Variants in TENM2 observed in about 807,000 individuals in gnomAD.
TENM2 encodes the protein teneurin-2.
TENM2 carries 52 observed loss-of-function variants against 245.2 expected under a neutral mutation model. That is an observed-to-expected ratio of 0.21 (90% CI 0.17 to 0.27). The LOEUF is 0.27. Among genes scored for constraint, TENM2 ranks in the 10% least tolerant of loss-of-function variants. TENM2 has a pLI of 1.00. For missense variants in TENM2, 3,046 were observed against 3,666.8 expected (o/e 0.83, Z 4.37); for synonymous variants, 1,363 against 1,438.9 (o/e 0.95, Z 1.19).
intron 3 of TENM2, among the ~76,000 whole-genome samples, chr5:167,881,413 C>G (rs1331322211): frequency 6.6e-6 from 1 of 152,206 alleles, no homozygotes; most frequent in East Asian, 1.9e-4. Flanking sequence ...TCACTCCGTT[C>G]TTCAGGGACC....
chr5:168,066,499 G>A (rs1790518475), intron 7 of TENM2, among the ~76,000 whole-genome samples: 1 of 152,000 alleles, frequency 6.6e-6, no homozygotes, highest in Non-Finnish European at 1.5e-5. Flanking sequence ...TTCCCAAATT[G>A]TCCTGAAAAT....
chr5:168,072,540 C>A (rs1022069778), intron 7 of TENM2, among the ~76,000 whole-genome samples: 1 of 152,042 alleles, frequency 6.6e-6, no homozygotes, highest in Non-Finnish European at 1.5e-5. Flanking sequence ...GAGATGGAGA[C>A]CTGACAAGTT....
chr5:167,372,623 T>C (rs1760504814), intron 1 of TENM2, among the ~76,000 whole-genome samples: 1 of 152,242 alleles, frequency 6.6e-6, no homozygotes, highest in Non-Finnish European at 1.5e-5. Context: ...TGGGATTACA[T>C]AGCTACAAAT....
chr5:167,365,601 C>A (rs1228932212), intron 1 of TENM2, among the ~76,000 whole-genome samples: 2 of 151,772 alleles, frequency 1.3e-5, no homozygotes, highest in Non-Finnish European at 2.9e-5. Flanking sequence ...TAAAAAAAGT[C>A]ATAAATGTTT....
intron 2 of TENM2, among the ~76,000 whole-genome samples, chr5:167,439,158 T>C (rs1360351847): frequency 6.6e-6 from 1 of 152,022 alleles, no homozygotes; most frequent in East Asian, 1.9e-4. Context: ...GAGGCAGAGG[T>C]GATCAGGTTA....
the TENM2 span, among the ~76,000 whole-genome samples, chr5:167,083,498 C>A: frequency 1.3e-5 from 2 of 152,102 alleles, no homozygotes; most frequent in African/African-American, 4.8e-5. Flanking sequence ...CATCTAAGAA[C>A]TTGGATGGGG....
At chr5:167,043,207 G>A in the TENM2 span, among the ~76,000 whole-genome samples, 3 of 152,312 alleles carry the variant, frequency 2.0e-5, no homozygotes, top group East Asian at 1.9e-4. Context: ...CACCTACTGC[G>A]TGGTAAGCCC....
At chr5:167,775,062 C>T (rs960696604) in intron 2 of TENM2, among the ~76,000 whole-genome samples, 2 of 152,104 alleles carry the variant, frequency 1.3e-5, no homozygotes, top group African/African-American at 4.8e-5. Flanking sequence ...CTCCACCTCC[C>T]GAGTTCAAGC....
intron 1 of TENM2, among the ~76,000 whole-genome samples, chr5:167,310,255 A>G (rs1755944137): frequency 6.6e-6 from 1 of 152,224 alleles, no homozygotes; most frequent in South Asian, 2.1e-4. Flanking sequence ...AGTTACATGA[A>G]TATAAGCAGT....
At chr5:167,358,318 A>G (rs76899201) in intron 1 of TENM2, among the ~76,000 whole-genome samples, 2,127 of 152,308 alleles carry the variant, frequency 0.014, 14 homozygotes, top group African/African-American at 0.02. Context: ...TTGCTACATC[A>G]TAATTGTCCA....
chr5:167,204,959 T>C, the TENM2 span, among the ~76,000 whole-genome samples: 1 of 152,258 alleles, frequency 6.6e-6, no homozygotes, highest in Non-Finnish European at 1.5e-5. Flanking sequence ...GACTCATATC[T>C]TGAGCTCCAG....
At chr5:167,427,309 T>G (rs1763892368) in intron 2 of TENM2, among the ~76,000 whole-genome samples, 1 of 151,932 alleles carries the variant, frequency 6.6e-6, no homozygotes, top group South Asian at 2.1e-4. Context: ...AAAAATTAGC[T>G]GGGCGTGGTG....
the TENM2 span, among the ~76,000 whole-genome samples, chr5:167,136,368 C>A: frequency 6.6e-6 from 1 of 152,100 alleles, no homozygotes; most frequent in Non-Finnish European, 1.5e-5. Context: ...GGCATTGATG[C>A]TAATAGAATA....
At chr5:167,157,499 A>G in the TENM2 span, among the ~76,000 whole-genome samples, 1 of 152,206 alleles carries the variant, frequency 6.6e-6, no homozygotes, top group East Asian at 1.9e-4. Flanking sequence ...TGATAAAAGA[A>G]CCTGGAAATT....
At chr5:167,539,336 T>G (rs2127601885) in intron 2 of TENM2, among the ~76,000 whole-genome samples, 1 of 152,326 alleles carries the variant, frequency 6.6e-6, no homozygotes, top group Admixed American at 6.5e-5. Flanking sequence ...CTATAAATTT[T>G]ATTATTAAGA....
intron 7 of TENM2, among the ~76,000 whole-genome samples, chr5:168,084,138 A>G (rs1581251525): frequency 2.0e-5 from 3 of 152,180 alleles, no homozygotes. Context: ...GTGTATATGT[A>G]CCACATTTTC....
At chr5:167,002,233 A>G in the TENM2 span, among the ~76,000 whole-genome samples, 2 of 152,218 alleles carry the variant, frequency 1.3e-5, no homozygotes, top group Admixed American at 6.5e-5. Context: ...AAATAACTTG[A>G]AAAACCATCT....
chr5:168,243,953 T>C (rs1448114628), intron 25 of TENM2, among the ~76,000 whole-genome samples: 1 of 149,624 alleles, frequency 6.7e-6, no homozygotes, highest in Admixed American at 6.6e-5. Flanking sequence ...TTTTTTTTTT[T>C]TTTTAAGATA....
intron 8 of TENM2, among the ~76,000 whole-genome samples, chr5:168,095,566 CT>C (rs2152269419): frequency 6.6e-6 from 1 of 152,200 alleles, no homozygotes; most frequent in East Asian, 1.9e-4. Flanking sequence ...GTAATTTTTG[CT>C]TATTTAATTT....
Sources: allele counts gnomAD v4.1 joint callset (sites outside exome capture counted in the v4.1 genomes callset), GRCh38; gene constraint gnomAD v4.1.1; transcripts MANE v1.5; gene names NCBI Gene and HGNC (gene_info 2026-07-23, HGNC 2026-07-21).